The following LYST variants were observed in gnomAD, a reference collection of about 807,000 sequenced individuals.
LYST encodes lysosomal trafficking regulator, also known as lysosomal-trafficking regulator.
LYST carries 192 observed loss-of-function variants against 413.6 expected under a neutral mutation model. That is an observed-to-expected ratio of 0.46 (90% CI 0.41 to 0.52). The LOEUF is 0.52. LYST is among the 20% of genes least tolerant of loss of function. The pLI, the probability that LYST is intolerant of heterozygous loss-of-function variation, is 0.00. For synonymous variants in LYST, 1,525 were observed against 1,567.3 expected (o/e 0.97, Z 0.64); for missense variants, 3,815 against 4,499.9 (o/e 0.85, Z 4.35).
chr1:235,775,180 T>A, intron 17 of LYST, 94 bp from the exon 18 acceptor site: 1 of 903,274 alleles, frequency 1.1e-6, no homozygotes. Flanking sequence ...CATCAATCCA[T>A]TAGTTTCTAC....
At chr1:235,867,238 G>A (rs780845039), upstream of LYST, among the ~76,000 whole-genome samples, 4 of 152,224 alleles carry the variant, frequency 2.6e-5, no homozygotes, top group Non-Finnish European at 5.9e-5. Context: ...AGTGGGCTGC[G>A]TCAGACCCTG....
In LYST at chr1:235,741,595, A is replaced by C. The variant is rs1665406620; in HGVS notation, c.8185T>G (p.Trp2729Gly). The C allele has an allele frequency of 6.2e-7, 1 of 1,613,988 alleles. No individual in the cohort carries two copies. The change falls in exon 31 of 53, where the codon TGG becomes GGG. Residue 2729 changes from tryptophan to glycine, a missense_variant. Physicochemically the swap from Trp to Gly is radical, Grantham distance 184. Transcript: ENST00000389793. ...SSKASGSKQQ[W>G]TKILWSCKET... ...TTACAAGACCACAGAATTTTAGTCCATTGCTGCTTGGAACCACTGGCTTTA... is the reference window on the plus strand; with the variant it reads ...TTACAAGACCACAGAATTTTAGTCCCTTGCTGCTTGGAACCACTGGCTTTA...
At chr1:235,776,660 G>A (rs1295443981) in intron 17 of LYST, among the ~76,000 whole-genome samples, 6 of 149,876 alleles carry the variant, frequency 4.0e-5, no homozygotes, top group African/African-American at 1.5e-4. Flanking sequence ...TCTCTTTTTT[G>A]AAAAAACTCC....
At chr1:235,704,947 T>G (rs546141199) in intron 44 of LYST, among the ~76,000 whole-genome samples, 1 of 152,364 alleles carries the variant, frequency 6.6e-6, no homozygotes, top group African/African-American at 2.4e-5. Context: ...CATTTCTAAG[T>G]GAACCCCATG....
intron 44 of LYST, 63 bp from the exon 45 acceptor site, chr1:235,703,040 A>G (rs1196201844): frequency 2.5e-6 from 3 of 1,181,990 alleles, no homozygotes; most frequent in Non-Finnish European, 3.8e-6. Flanking sequence ...TGACAATAAT[A>G]CCAAAGGGAA....
chr1:235,685,611 C>T (rs752301488), intron 48 of LYST, among the ~76,000 whole-genome samples: 6 of 151,990 alleles, frequency 3.9e-5, no homozygotes, highest in African/African-American at 9.7e-5. Context: ...CTTTGGAGGC[C>T]GAGGCGGGTG....
intron 45 of LYST, among the ~76,000 whole-genome samples, chr1:235,700,104 CA>C (rs2103094260): frequency 6.6e-6 from 1 of 152,226 alleles, no homozygotes; most frequent in East Asian, 1.9e-4. Flanking sequence ...GAATTAAAGA[CA>C]AATGTAAAAC....
At chr1:235,734,714 A>C (rs1405820462) in intron 31 of LYST, 55 bp from the exon 32 acceptor site, 1 of 1,197,172 alleles carries the variant, frequency 8.4e-7, no homozygotes, top group African/African-American at 1.5e-5. Flanking sequence ...CTTACATTTA[A>C]ATTACTTAGT....
chr1:235,744,589 T>G (rs1305391450), intron 29 of LYST, among the ~76,000 whole-genome samples: 1 of 146,906 alleles, frequency 6.8e-6, no homozygotes, highest in Admixed American at 6.8e-5. Context: ...TTGCACAGAA[T>G]GTATATTAGA....
chr1:235,667,470 C>G (rs1005075209), intron 50 of LYST, among the ~76,000 whole-genome samples: 1 of 152,130 alleles, frequency 6.6e-6, no homozygotes, highest in Non-Finnish European at 1.5e-5. Context: ...AAATTATGAT[C>G]AGGAGGAATG....
Position 235,741,447 on chromosome 1 carries a change from C to T in LYST, c.8333G>A (p.Arg2778Gln), listed in dbSNP as rs144899101. Residue 2778 changes from arginine (R) to glutamine (Q), a missense_variant, in exon 31 of 53, where the codon CGA becomes CAA. Transcript: ENST00000389793. ...TTGTAGGGATGGGCTGAGACAGTCTCGTAGTATTTCCTGATGATTTGGTTC... is the reference window on the plus strand; with the variant it reads ...TTGTAGGGATGGGCTGAGACAGTCTTGTAGTATTTCCTGATGATTTGGTTC... ...VHEPNHQEILRDCLSPSLQHG... is the reference protein window; with the variant it reads ...VHEPNHQEILQDCLSPSLQHG... The T allele has an allele frequency of 2.5e-6, 4 of 1,613,880 alleles. No individual in the cohort carries two copies. Among genetic ancestry groups the T allele is most frequent in the African/African-American group, 2.7e-5 (2 of 74,896 alleles).
chr1:235,820,517 G>A (rs199706208), intron 3 of LYST, among the ~76,000 whole-genome samples: 9 of 151,902 alleles, frequency 5.9e-5, no homozygotes, highest in African/African-American at 1.7e-4. Context: ...CTACAGGCAC[G>A]TGCCACCACA....
chr1:235,692,639 C>T (rs1254518482), intron 47 of LYST, among the ~76,000 whole-genome samples: 1 of 151,994 alleles, frequency 6.6e-6, no homozygotes, highest in African/African-American at 2.4e-5. Flanking sequence ...CCGCCTCAGC[C>T]TCCCAAAGTG....
intron 21 of LYST, among the ~76,000 whole-genome samples, chr1:235,765,513 A>C (rs1668050924): frequency 6.6e-6 from 1 of 152,226 alleles, no homozygotes; most frequent in South Asian, 2.1e-4. Context: ...ATTTGATATG[A>C]CTTTAGGGTA....
rs1197013946 is a variant in LYST at position 235,731,028 on chromosome 1, T to G, written c.8947+4A>C. 1 of 1,612,690 alleles carries G rather than the reference T, an allele frequency of 6.2e-7. No individual in the cohort carries two copies. Among genetic ancestry groups the G allele is most frequent in the Non-Finnish European group, 8.5e-7 (1 of 1,178,670 alleles). On this transcript the variant is annotated splice_donor_region_variant and intron_variant, in intron 35 of 52. Transcript: ENST00000389793. ...TATATGTTGAGTCAAGAAGCCACTA[T>G]TACCTTCTGATTTCTGTCTATCCCT... is the stretch of plus-strand genomic sequence containing the variant.
chr1:235,871,897 G>T (rs1680941259), upstream of LYST, among the ~76,000 whole-genome samples: 1 of 152,110 alleles, frequency 6.6e-6, no homozygotes, highest in Non-Finnish European at 1.5e-5. Flanking sequence ...CTACATGTCG[G>T]GGAGGAAATG....
Position 235,802,602 on chromosome 1 carries a change from C to T in LYST, c.3712+306G>A, listed in dbSNP as rs75468096. On this transcript the variant is annotated intron_variant, in intron 8 of 52. Transcript: ENST00000389793. ...ACTAATACGACATCACCCAGTTTAT[C>T]GATTTCTATTTTATTATCTATTTCT... Among the ~76,000 whole-genome samples the T allele has an allele frequency of 0.022, 3,323 of 152,282 alleles. 119 individuals are homozygous for T. The highest frequency in any genetic ancestry group is 0.075 in the African/African-American group (3,137 of 41,550).
At chr1:235,788,639 G>A (rs1670677851) in intron 13 of LYST, 62 bp downstream of exon 13, 2 of 1,498,038 alleles carry the variant, frequency 1.3e-6, no homozygotes, top group East Asian at 2.3e-5. Flanking sequence ...TCACATTAAT[G>A]TCTCTTACAC....
intron 1 of LYST, among the ~76,000 whole-genome samples, chr1:235,860,335 C>T (rs1379130686): frequency 6.6e-6 from 1 of 152,086 alleles, no homozygotes; most frequent in African/African-American, 2.4e-5. Flanking sequence ...ATCAATGAAC[C>T]TACACTGACA....
Sources: allele counts gnomAD v4.1 joint callset (sites outside exome capture counted in the v4.1 genomes callset), GRCh38; gene constraint gnomAD v4.1.1; transcripts MANE v1.5; gene names NCBI Gene and HGNC (gene_info 2026-07-23, HGNC 2026-07-21).